Variants in ARHGAP15 observed in about 807,000 individuals in gnomAD.
ARHGAP15 encodes rho GTPase-activating protein 15.
In ARHGAP15, 51 loss-of-function variants were observed where a neutral mutation model predicts 63.7. The ratio of observed to expected loss-of-function variants is 0.80; its 90% CI spans 0.64 to 1.01. The LOEUF (loss-of-function observed/expected upper bound fraction) is 1.01, where lower values mean the gene tolerates loss of function less well. Ranked by LOEUF, ARHGAP15 falls within the 50% of genes least tolerant of loss-of-function variation. The pLI, the probability that ARHGAP15 is intolerant of heterozygous loss-of-function variation, is 0.00. For missense variants in ARHGAP15, 560 were observed against 564.6 expected (o/e 0.99, Z 0.08); for synonymous variants, 191 against 193.8 (o/e 0.99, Z 0.12).
intron 2 of ARHGAP15, among the ~76,000 whole-genome samples, chr2:143,163,635 C>G (rs115990027): frequency 1.3e-5 from 2 of 151,918 alleles, no homozygotes; most frequent in African/African-American, 4.8e-5. Flanking sequence ...GTTTCAAGGA[C>G]AGAATAAATA....
At chr2:143,315,150 C>A (rs1034981292) in intron 6 of ARHGAP15, among the ~76,000 whole-genome samples, 1 of 152,090 alleles carries the variant, frequency 6.6e-6, no homozygotes, top group Non-Finnish European at 1.5e-5. Context: ...CTTTTCTAAG[C>A]AAGTAGAATT....
intron 11 of ARHGAP15, among the ~76,000 whole-genome samples, chr2:143,565,025 T>C (rs546619909): frequency 6.6e-6 from 1 of 152,282 alleles, no homozygotes; most frequent in South Asian, 2.1e-4. Context: ...TCATAAAAGT[T>C]TTCGAGGTAG....
intron 6 of ARHGAP15, among the ~76,000 whole-genome samples, chr2:143,431,955 C>T (rs1232226106): frequency 2.0e-5 from 3 of 152,000 alleles, no homozygotes; most frequent in African/African-American, 7.2e-5. Context: ...TCCCCATGTG[C>T]ATCTGAAGTC....
intron 6 of ARHGAP15, among the ~76,000 whole-genome samples, chr2:143,382,079 TCC>T (rs1687079314): frequency 6.9e-6 from 1 of 145,628 alleles, no homozygotes; most frequent in Non-Finnish European, 1.5e-5. Context: ...CTTCCTTCCT[TCC>T]TTTCCTTCCT....
chr2:143,470,695 A>ATG lies in ARHGAP15; in HGVS notation c.704-16674_704-16673dup, dbSNP rs200954455. ...TGTGTGTGTATATATATATGTATAT[A>ATG]TGTGTATATATATGTGTTGCCTGGG... On this transcript the variant is annotated intron_variant, in intron 8 of 13. Transcript: ENST00000295095. 9.9e-4 allele frequency among the ~76,000 whole-genome samples: 129 copies of ATG among 130,660 alleles called. 1 individual carries two copies. Among genetic ancestry groups the ATG allele is most frequent in the African/African-American group, 3.1e-3 (120 of 38,324 alleles). 85.7% of individuals were successfully genotyped at this position (130,660 alleles called of 152,430 possible).
At chr2:143,324,666 C>T (rs966675043) in intron 6 of ARHGAP15, among the ~76,000 whole-genome samples, 2 of 152,032 alleles carry the variant, frequency 1.3e-5, no homozygotes, top group Non-Finnish European at 2.9e-5. Context: ...TATGCTGGTC[C>T]GTTGTGTAAA....
chr2:143,367,068 T>C (rs2105348522), intron 6 of ARHGAP15, among the ~76,000 whole-genome samples: 1 of 152,214 alleles, frequency 6.6e-6, no homozygotes, highest in Non-Finnish European at 1.5e-5. Context: ...TTACTTTTGT[T>C]TTAAATAGAA....
intron 5 of ARHGAP15, among the ~76,000 whole-genome samples, chr2:143,241,972 G>A (rs192946751): frequency 5.3e-5 from 8 of 152,284 alleles, no homozygotes; most frequent in African/African-American, 1.9e-4. Context: ...GCAATCTGTG[G>A]GAGGAAGGGA....
At chr2:143,222,388 T>A (rs1050767083) in intron 4 of ARHGAP15, among the ~76,000 whole-genome samples, 1 of 152,182 alleles carries the variant, frequency 6.6e-6, no homozygotes, top group Admixed American at 6.5e-5. Context: ...TCACATATAT[T>A]TTCTTCTGAC....
intron 6 of ARHGAP15, among the ~76,000 whole-genome samples, chr2:143,261,875 G>A (rs1680740398): frequency 6.6e-6 from 1 of 152,144 alleles, no homozygotes. Context: ...TCATAGGGTA[G>A]CTAGGACAAC....
intron 6 of ARHGAP15, among the ~76,000 whole-genome samples, chr2:143,289,838 AT>A (rs1388315155): frequency 6.6e-6 from 1 of 152,190 alleles, no homozygotes; most frequent in Non-Finnish European, 1.5e-5. Flanking sequence ...AGGAAGAAGA[AT>A]TATTTCAAAG....
At chr2:143,726,753 A>G (rs1254347909) in intron 13 of ARHGAP15, among the ~76,000 whole-genome samples, 1 of 152,206 alleles carries the variant, frequency 6.6e-6, no homozygotes, top group East Asian at 1.9e-4. Flanking sequence ...CTTTTCCACT[A>G]ATAATTCATA....
chr2:143,374,476 A>G (rs1686715999), intron 6 of ARHGAP15, among the ~76,000 whole-genome samples: 2 of 151,886 alleles, frequency 1.3e-5, no homozygotes, highest in Non-Finnish European at 2.9e-5. Flanking sequence ...AATCCACCCT[A>G]TGACCATAGT....
chr2:143,636,308 T>A (rs1473155854), intron 12 of ARHGAP15, among the ~76,000 whole-genome samples: 1 of 152,196 alleles, frequency 6.6e-6, no homozygotes, highest in East Asian at 1.9e-4. Flanking sequence ...TGTGTATTAT[T>A]CTCTGAATAT....
At chr2:143,346,230 TC>T (rs1685284668) in intron 6 of ARHGAP15, among the ~76,000 whole-genome samples, 1 of 42,096 alleles carries the variant, frequency 2.4e-5, no homozygotes, top group Admixed American at 2.8e-4. Context: ...TCACACACAC[TC>T]TCTCTCACAC....
At chr2:143,416,481 A>G (rs968228920) in intron 6 of ARHGAP15, among the ~76,000 whole-genome samples, 4 of 119,660 alleles carry the variant, frequency 3.3e-5, no homozygotes, top group African/African-American at 1.1e-4. Context: ...ACTCGATTGC[A>G]GTTGGTCTGG....
chr2:143,587,684 A>C (rs560510385), intron 11 of ARHGAP15: 11 of 468,552 alleles, frequency 2.3e-5, no homozygotes, highest in South Asian at 9.4e-5. Flanking sequence ...TGTCTTTCAC[A>C]GTCGTTTCTG....
At chr2:143,734,608 A>G (rs544082143) in intron 13 of ARHGAP15, among the ~76,000 whole-genome samples, 1 of 152,234 alleles carries the variant, frequency 6.6e-6, no homozygotes, top group Non-Finnish European at 1.5e-5. Context: ...ATTGTACTTC[A>G]TTAATAAACA....
chr2:143,739,279 A>G (rs1477712055), intron 13 of ARHGAP15, among the ~76,000 whole-genome samples: 1 of 152,144 alleles, frequency 6.6e-6, no homozygotes, highest in Non-Finnish European at 1.5e-5. Context: ...CTCCCTAGCA[A>G]TCCTGCTGGG....
Sources: gnomAD v4.1 joint callset for allele counts (sites outside exome capture counted in the v4.1 genomes callset) on GRCh38, gnomAD v4.1.1 for gene constraint, MANE v1.5 for transcripts, NCBI Gene and HGNC (gene_info 2026-07-23, HGNC 2026-07-21) for gene names.